ADGRB3: variants seen among roughly 807,000 people sequenced by gnomAD.
ADGRB3 encodes brain-specific angiogenesis inhibitor 3.
In ADGRB3, 37 loss-of-function variants were observed where a neutral mutation model predicts 193.4. That is an observed-to-expected ratio of 0.19 (90% CI 0.15 to 0.25). The LOEUF is 0.25. ADGRB3 is among the 10% of genes least tolerant of loss of function. ADGRB3 has a pLI of 1.00. For synonymous variants in ADGRB3, 690 were observed against 644.2 expected (o/e 1.07, Z -1.08); for missense variants, 1,637 against 1,852.9 (o/e 0.88, Z 2.14).
At chr6:69,206,090 G>A (rs1283755050) in intron 17 of ADGRB3, among the ~76,000 whole-genome samples, 1 of 118,772 alleles carries the variant, frequency 8.4e-6, no homozygotes, top group East Asian at 2.6e-4. Flanking sequence ...AGTTTATTAA[G>A]TATTAACTCA....
rs180807638 is a variant in ADGRB3, at chr6:69,003,716, A to T, written c.1929+9754A>T. Among the ~76,000 whole-genome samples the T allele has an allele frequency of 1.6e-4, 25 of 152,294 alleles. No homozygotes were observed. In the East Asian group the frequency reaches 4.6e-3, roughly 28 times the overall value. ...TGTAAACATGACAATAAGAAATTTA[A>T]TGGCAAATAACTTTCTTAAGTGGGT... On this transcript the variant is annotated intron_variant, in intron 11 of 31. Coordinates refer to ENST00000370598, the MANE Select transcript of ADGRB3 (RefSeq NM_001704.3).
At chr6:69,358,535 C>T (rs1018392895) in intron 28 of ADGRB3, among the ~76,000 whole-genome samples, 1 of 151,728 alleles carries the variant, frequency 6.6e-6, no homozygotes, top group African/African-American at 2.4e-5. Context: ...TTATTGGTGC[C>T]CTTTTCAGTT....
chr6:68,710,007 A>T (rs1384674040), intron 3 of ADGRB3, among the ~76,000 whole-genome samples: 2 of 152,120 alleles, frequency 1.3e-5, no homozygotes, highest in Admixed American at 6.6e-5. Context: ...TAGCTGACAC[A>T]TGTTAACACA....
At chr6:68,668,510 G>A (rs1049793074) in intron 3 of ADGRB3, among the ~76,000 whole-genome samples, 6 of 151,894 alleles carry the variant, frequency 4.0e-5, no homozygotes, top group Non-Finnish European at 1.5e-5. Context: ...TTTCCTATCA[G>A]TTTAATGAAG....
chr6:69,223,824 T>G (rs1328993586), intron 17 of ADGRB3, among the ~76,000 whole-genome samples: 1 of 151,838 alleles, frequency 6.6e-6, no homozygotes, highest in African/African-American at 2.4e-5. Flanking sequence ...GCCCAGCTAA[T>G]TTTTGTATTT....
At chr6:69,187,054 T>C (rs767204458) in intron 17 of ADGRB3, among the ~76,000 whole-genome samples, 3 of 151,922 alleles carry the variant, frequency 2.0e-5, no homozygotes, top group Non-Finnish European at 4.4e-5. Context: ...ATGTGACAGT[T>C]TTCTTTCTGA....
intron 3 of ADGRB3, among the ~76,000 whole-genome samples, chr6:68,683,249 CA>C (rs1332221552): frequency 6.6e-6 from 1 of 151,808 alleles, no homozygotes; most frequent in African/African-American, 2.4e-5. Flanking sequence ...ATTTATTAAG[CA>C]AAAGTAATCT....
chr6:69,339,028 A>T lies in ADGRB3; in HGVS notation c.3287+14A>T. On this transcript the variant is annotated intron_variant, in intron 25 of 31. Transcript: ENST00000370598. ...CAGTAACGCCATGTTAGTCCCAATCATTTACATCTTCTTGTTACAAATCTT... is the reference window on the plus strand; with the variant it reads ...CAGTAACGCCATGTTAGTCCCAATCTTTTACATCTTCTTGTTACAAATCTT... 6.2e-7 allele frequency: 1 copy of T among 1,611,914 alleles called. No individual in the cohort carries two copies. Among genetic ancestry groups the T allele is most frequent in the Non-Finnish European group, 8.5e-7 (1 of 1,178,630 alleles).
chr6:69,229,087 A>T (rs1766080960), intron 17 of ADGRB3, among the ~76,000 whole-genome samples: 1 of 152,178 alleles, frequency 6.6e-6, no homozygotes, highest in Non-Finnish European at 1.5e-5. Flanking sequence ...CACTAAAGTT[A>T]CTTCTAGTAA....
intron 17 of ADGRB3, among the ~76,000 whole-genome samples, chr6:69,212,870 A>G (rs551141017): frequency 1.5e-4 from 23 of 152,292 alleles, no homozygotes; most frequent in African/African-American, 5.3e-4. Flanking sequence ...TCTTTTCAGC[A>G]GTAGAAAGGT....
In ADGRB3 at chr6:68,962,299, G is replaced by A. The variant is rs143756999; in HGVS notation, c.1525+5490G>A. ...ACCTATTTTAGTCTACAGTTCTGCAGCAAATCAAGCTGAGTTGTATGGGCA... is the reference window on the plus strand; with the variant it reads ...ACCTATTTTAGTCTACAGTTCTGCAACAAATCAAGCTGAGTTGTATGGGCA... On this transcript the variant is annotated intron_variant, in intron 8 of 31. Transcript: ENST00000370598. 3.1e-3 allele frequency among the ~76,000 whole-genome samples: 473 copies of A among 152,248 alleles called. 1 individual carries two copies. The highest frequency in any genetic ancestry group is 0.011 in the African/African-American group (465 of 41,566).
intron 13 of ADGRB3, among the ~76,000 whole-genome samples, chr6:69,023,987 G>C (rs1018946525): frequency 6.6e-6 from 1 of 151,916 alleles, no homozygotes; most frequent in East Asian, 1.9e-4. Flanking sequence ...TAGCCCCCAA[G>C]TGAAAAAAAT....
intron 17 of ADGRB3, 181 bp from the exon 18 acceptor site, chr6:69,233,109 C>G: frequency 1.1e-6 from 1 of 880,506 alleles, no homozygotes; most frequent in Non-Finnish European, 1.7e-6. Flanking sequence ...TTTTCCCACT[C>G]TCGCTTTGCA....
chr6:69,297,951 G>A (rs1360751007), intron 20 of ADGRB3, among the ~76,000 whole-genome samples: 1 of 151,972 alleles, frequency 6.6e-6, no homozygotes, highest in Non-Finnish European at 1.5e-5. Flanking sequence ...TATGTACTAA[G>A]TTTGTTTATT....
chr6:68,832,408 T>C (rs748038540), intron 3 of ADGRB3, among the ~76,000 whole-genome samples: 4 of 152,166 alleles, frequency 2.6e-5, no homozygotes, highest in Non-Finnish European at 5.9e-5. Flanking sequence ...CCTCCTCGAC[T>C]AGACTCTTAA....
At chr6:69,094,302 C>A (rs769607254) in intron 17 of ADGRB3, among the ~76,000 whole-genome samples, 1 of 152,168 alleles carries the variant, frequency 6.6e-6, no homozygotes, top group Non-Finnish European at 1.5e-5. Context: ...ATTAAACTTC[C>A]AAATTGATGG....
intron 3 of ADGRB3, among the ~76,000 whole-genome samples, chr6:68,834,035 T>G (rs961266083): frequency 6.6e-6 from 1 of 151,628 alleles, no homozygotes; most frequent in Non-Finnish European, 1.5e-5. Context: ...TTTATAAAAA[T>G]TTTTAAATGA....
intron 21 of ADGRB3, 75 bp downstream of exon 21, chr6:69,325,097 G>GTCTAAAGCAGACACA: frequency 6.8e-7 from 1 of 1,478,640 alleles, no homozygotes; most frequent in Non-Finnish European, 9.1e-7. Flanking sequence ...AGTCATGAGT[G>GTCTAAAGCAGACACA]ATTAGACACA....
intron 10 of ADGRB3, among the ~76,000 whole-genome samples, chr6:68,978,914 T>C (rs916459090): frequency 1.3e-5 from 2 of 151,422 alleles, no homozygotes; most frequent in African/African-American, 4.8e-5. Flanking sequence ...ATTTGAAACA[T>C]AGATTACAAT....
Sources: gnomAD v4.1 joint callset for allele counts (sites outside exome capture counted in the v4.1 genomes callset) on GRCh38, gnomAD v4.1.1 for gene constraint, MANE v1.5 for transcripts, NCBI Gene and HGNC (gene_info 2026-07-23, HGNC 2026-07-21) for gene names.